Variants in DPP6 observed in about 807,000 individuals in gnomAD.
The protein encoded by DPP6 is dipeptidyl peptidase like 6.
DPP6 carries 69 observed loss-of-function variants against 122.6 expected under a neutral mutation model. That is an observed-to-expected ratio of 0.56 (90% CI 0.46 to 0.69). The LOEUF (loss-of-function observed/expected upper bound fraction) is 0.69. Among genes scored for constraint, DPP6 ranks in the 30% least tolerant of loss-of-function variants. The probability of loss-of-function intolerance (pLI) is 0.00; values close to 1 mark genes in which losing one functional copy is unlikely to be tolerated. For synonymous variants in DPP6, 418 were observed against 433.1 expected (o/e 0.97, Z 0.43); for missense variants, 928 against 1,116.9 (o/e 0.83, Z 2.41).
chr7:154,127,664 C>G (rs1585433910), intron 1 of DPP6, among the ~76,000 whole-genome samples: 2 of 123,184 alleles, frequency 1.6e-5, no homozygotes. Flanking sequence ...CACACACACA[C>G]ACACACACAC....
intron 1 of DPP6, among the ~76,000 whole-genome samples, chr7:153,945,782 C>T (rs573216987): frequency 7.2e-5 from 11 of 152,238 alleles, no homozygotes; most frequent in East Asian, 3.9e-4. Context: ...AGGTTTGGGC[C>T]GAGCAGCTTC....
rs868141609 is a variant in DPP6 at position 154,060,353 on chromosome 7, A to G, written c.243+7290A>G. Among the ~76,000 whole-genome samples the G allele has an allele frequency of 2.6e-3, 138 of 52,092 alleles. 2 individuals are homozygous for G. The highest frequency in any genetic ancestry group is 3.8e-3 in the East Asian group (6 of 1,566). 34.2% of individuals were successfully genotyped at this position (52,092 alleles called of 152,430 possible). On this transcript the variant is annotated intron_variant, in intron 1 of 25. Transcript: ENST00000377770. ...GAGGGGGAGGCACCCCCCGCGAGGC[A>G]GGGACTGAGAGCCAGCCCCTGGTTC...
intron 1 of DPP6, among the ~76,000 whole-genome samples, chr7:154,326,894 A>C (rs2151029044): frequency 6.6e-6 from 1 of 152,344 alleles, no homozygotes; most frequent in East Asian, 1.9e-4. Context: ...AGGAAGGAAT[A>C]GGAAAGGGAG....
chr7:154,550,911 C>T (rs908259722), intron 4 of DPP6, among the ~76,000 whole-genome samples: 3 of 151,884 alleles, frequency 2.0e-5, no homozygotes, highest in Non-Finnish European at 2.9e-5. Context: ...CCACCATGCC[C>T]GGCTAATTTT....
intron 1 of DPP6, among the ~76,000 whole-genome samples, chr7:154,132,606 T>C (rs539137069): frequency 6.6e-6 from 1 of 152,268 alleles, no homozygotes; most frequent in South Asian, 2.1e-4. Context: ...TCTCGAAAGA[T>C]CTCTCTTCCC....
At position 154,488,025 on chromosome 7, in the gene DPP6, A is replaced by T. The variant is rs141734090; in HGVS notation, c.457+12988A>T. ...TTATCATAGTTCCCTCATAGGTCAC[A>T]GTATCTGGGGTGGGATAAAGTCTCA... On this transcript the variant is annotated intron_variant, in intron 3 of 25. Transcript: ENST00000377770. Among the ~76,000 whole-genome samples, 145 of 152,188 alleles carry T rather than the reference A, an allele frequency of 9.5e-4. 1 individual carries two copies. Among genetic ancestry groups the T allele is most frequent in the African/African-American group, 3.4e-3 (139 of 41,460 alleles).
chr7:153,804,427 CT>C, the DPP6 span, among the ~76,000 whole-genome samples: 7 of 152,050 alleles, frequency 4.6e-5, no homozygotes, highest in African/African-American at 1.7e-4. Context: ...AGATAATTTT[CT>C]ATATTTTAAT....
intron 16 of DPP6, among the ~76,000 whole-genome samples, chr7:154,831,304 G>A (rs1800610865): frequency 1.3e-5 from 2 of 152,160 alleles, no homozygotes; most frequent in East Asian, 1.9e-4. Flanking sequence ...TTCAATCACC[G>A]GTTGACCACA....
intron 1 of DPP6, among the ~76,000 whole-genome samples, chr7:154,384,731 T>G (rs1259402038): frequency 4.2e-5 from 5 of 118,058 alleles, no homozygotes; most frequent in African/African-American, 6.1e-5. Flanking sequence ...CTTTCTTTCT[T>G]TCTTTCTTTT....
At chr7:154,163,037 C>T (rs747483090) in intron 1 of DPP6, among the ~76,000 whole-genome samples, 7 of 152,082 alleles carry the variant, frequency 4.6e-5, no homozygotes, top group Non-Finnish European at 7.3e-5. Context: ...TTGAGTCAAA[C>T]TTGACACCTG....
intron 10 of DPP6, among the ~76,000 whole-genome samples, chr7:154,791,279 A>T (rs967535618): frequency 4.2e-5 from 6 of 142,956 alleles, no homozygotes; most frequent in African/African-American, 6.1e-5. Context: ...AAAATAAATA[A>T]ATAAAATAAA....
chr7:154,018,544 A>C (rs1290251626), intron 1 of DPP6, among the ~76,000 whole-genome samples: 1 of 152,226 alleles, frequency 6.6e-6, no homozygotes, highest in African/African-American at 2.4e-5. Context: ...AACAGTTCAC[A>C]AGCTTTCTAA....
chr7:154,356,383 C>A (rs1229717231), intron 1 of DPP6, among the ~76,000 whole-genome samples: 1 of 152,128 alleles, frequency 6.6e-6, no homozygotes, highest in African/African-American at 2.4e-5. Context: ...ATTTAAATAA[C>A]TTTTGTCCTA....
At chr7:154,079,660 C>T (rs1015568733) in intron 1 of DPP6, among the ~76,000 whole-genome samples, 2 of 152,006 alleles carry the variant, frequency 1.3e-5, no homozygotes, top group African/African-American at 4.8e-5. Flanking sequence ...GTGTTGTGGG[C>T]AGAGGCTGGA....
chr7:154,471,022 G>C (rs1027786990), intron 2 of DPP6, among the ~76,000 whole-genome samples: 3 of 152,112 alleles, frequency 2.0e-5, no homozygotes, highest in African/African-American at 7.2e-5. Context: ...AGGCTGAGGT[G>C]GGCGGATCAC....
intron 1 of DPP6, among the ~76,000 whole-genome samples, chr7:154,246,288 A>C (rs962164485): frequency 1.3e-5 from 2 of 152,158 alleles, no homozygotes; most frequent in Non-Finnish European, 2.9e-5. Context: ...TAAATAGGGA[A>C]AAAAAGGATA....
chr7:154,384,851 C>T (rs1813947221), intron 1 of DPP6, among the ~76,000 whole-genome samples: 1 of 151,098 alleles, frequency 6.6e-6, no homozygotes, highest in African/African-American at 2.4e-5. Flanking sequence ...AATTAGGGTA[C>T]ATATAGACAG....
intron 1 of DPP6, among the ~76,000 whole-genome samples, chr7:154,253,909 A>G (rs1230755832): frequency 6.6e-6 from 1 of 152,208 alleles, no homozygotes; most frequent in African/African-American, 2.4e-5. Flanking sequence ...GTGTCTTCAC[A>G]TGGTGGCAGG....
chr7:154,563,564 A>C (rs1586636911), intron 4 of DPP6, among the ~76,000 whole-genome samples: 1 of 152,200 alleles, frequency 6.6e-6, no homozygotes, highest in Non-Finnish European at 1.5e-5. Context: ...AATGGTTCCA[A>C]ACCTATTTTG....
Sources: gnomAD v4.1 joint callset for allele counts (sites outside exome capture counted in the v4.1 genomes callset) on GRCh38, gnomAD v4.1.1 for gene constraint, MANE v1.5 for transcripts, NCBI Gene and HGNC (gene_info 2026-07-23, HGNC 2026-07-21) for gene names.